LCMT1: variants seen among roughly 807,000 people sequenced by gnomAD.
LCMT1 encodes [Phosphatase 2A protein]-leucine-carboxy methyltransferase 1.
LCMT1 carries 32 observed loss-of-function variants against 47.7 expected under a neutral mutation model. The ratio of observed to expected loss-of-function variants is 0.67; its 90% CI spans 0.51 to 0.90. The LOEUF (loss-of-function observed/expected upper bound fraction) is 0.90, where lower values mean the gene tolerates loss of function less well. Among genes scored for constraint, LCMT1 ranks in the 40% least tolerant of loss-of-function variants. LCMT1 has a pLI of 0.00. For synonymous variants in LCMT1, 152 were observed against 149.7 expected (o/e 1.02, Z -0.11); for missense variants, 375 against 415.2 (o/e 0.90, Z 0.84).
chr16:25,124,752 C>T (rs373428119), intron 1 of LCMT1, among the ~76,000 whole-genome samples: 112 of 152,338 alleles, frequency 7.4e-4, no homozygotes, highest in African/African-American at 2.5e-3. Context: ...AGGTCTCAGT[C>T]AGTAAATGCT....
intron 4 of LCMT1, chr16:25,143,153 C>A (rs971795073): frequency 6.6e-6 from 1 of 152,052 alleles, no homozygotes; most frequent in Admixed American, 6.6e-5. Context: ...TGTCCTAAAT[C>A]GATACTGTAA....
At chr16:25,153,817 G>A (rs1267680083) in intron 5 of LCMT1, among the ~76,000 whole-genome samples, 1 of 151,926 alleles carries the variant, frequency 6.6e-6, no homozygotes, top group Admixed American at 6.6e-5. Flanking sequence ...GCTGGGTGTG[G>A]TGGCTGGCGC....
chr16:25,126,083 A>G (rs766605016), intron 1 of LCMT1: 10 of 1,351,710 alleles, frequency 7.4e-6, no homozygotes, highest in Middle Eastern at 4.2e-4. Flanking sequence ...CCTAGGGCGC[A>G]TGGAAACCTG....
chr16:25,153,589 CA>C (rs61465038), intron 5 of LCMT1, among the ~76,000 whole-genome samples: 151,429 of 152,326 alleles, frequency 0.99, 75,276 homozygotes, highest in Middle Eastern at 1. Context: ...ATTTCCAACA[CA>C]ACGAACTTCG....
intron 3 of LCMT1, among the ~76,000 whole-genome samples, chr16:25,133,684 A>C (rs952537311): frequency 6.8e-6 from 1 of 146,076 alleles, no homozygotes; most frequent in African/African-American, 2.5e-5. Flanking sequence ...GGCGTGAGCC[A>C]CCGTGCCTGG....
Position 25,169,182 on chromosome 16 carries a change from G to T in LCMT1, c.761G>T (p.Gly254Val). 4.3e-6 allele frequency: 7 copies of T among 1,613,140 alleles called. No homozygotes were observed. Among genetic ancestry groups the T allele is most frequent in the Non-Finnish European group, 5.9e-6 (7 of 1,179,298 alleles). ...CGGAGACGCCAGTGTGACCTGGCGGGAGTGGAGACCTGCAAGTCATTAGAG... is the reference window on the plus strand; with the variant it reads ...CGGAGACGCCAGTGTGACCTGGCGGTAGTGGAGACCTGCAAGTCATTAGAG... ...NLRRRQCDLA[G>V]VETCKSLESQ... Residue 254 changes from glycine (G) to valine (V), a missense_variant, in exon 8 of 11, where the codon GGA becomes GTA. Physicochemically the swap from Gly to Val is moderately radical, Grantham distance 109. Transcript: ENST00000399069.
chr16:25,150,402 T>C (rs1256795040), intron 4 of LCMT1, among the ~76,000 whole-genome samples: 1 of 138,654 alleles, frequency 7.2e-6, no homozygotes, highest in Non-Finnish European at 1.5e-5. Context: ...TGGAGTGCAA[T>C]GGCACGATCT....
chr16:25,124,576 C>A (rs948673676), intron 1 of LCMT1, among the ~76,000 whole-genome samples: 4 of 152,176 alleles, frequency 2.6e-5, no homozygotes, highest in Non-Finnish European at 5.9e-5. Flanking sequence ...CACTTGGTGA[C>A]TTGATTAAAG....
chr16:25,133,664 T>C (rs1012764275), intron 3 of LCMT1, among the ~76,000 whole-genome samples: 1 of 148,898 alleles, frequency 6.7e-6, no homozygotes, highest in African/African-American at 2.5e-5. Context: ...CCCAAAGTGC[T>C]GGGATTACAG....
intron 3 of LCMT1, among the ~76,000 whole-genome samples, chr16:25,134,216 A>T (rs1042749845): frequency 6.6e-6 from 1 of 152,172 alleles, no homozygotes; most frequent in Non-Finnish European, 1.5e-5. Context: ...AGTTCACCTG[A>T]TATGAAGGTC....
At chr16:25,170,227 A>T (rs182423538) in intron 8 of LCMT1, among the ~76,000 whole-genome samples, 2 of 151,334 alleles carry the variant, frequency 1.3e-5, no homozygotes, top group African/African-American at 4.9e-5. Flanking sequence ...CTCAAAAAAA[A>T]ATTAAATAAA....
chr16:25,141,134 A>T (rs1960677948), intron 4 of LCMT1: 1 of 152,204 alleles, frequency 6.6e-6, no homozygotes, highest in Admixed American at 6.5e-5. Context: ...CATTAGCTTG[A>T]CTTGGAGCTA....
At chr16:25,145,845 T>G (rs1035328453) in intron 4 of LCMT1, 1 of 152,290 alleles carries the variant, frequency 6.6e-6, no homozygotes, top group Non-Finnish European at 1.5e-5. Flanking sequence ...TATTAGCCTG[T>G]CCTAGGACTG....
At chr16:25,176,538 GTTTTTTTTTGGCTTTTTTTTTTTT>G (rs1430656871) in intron 10 of LCMT1, among the ~76,000 whole-genome samples, 6 of 53,376 alleles carry the variant, frequency 1.1e-4, no homozygotes, top group Non-Finnish European at 2.5e-4. Context: ...TTTGGTTTTT[GTTTTTTTTTGGCTTTTTTTTTTTT>G]TTTTTTTTTT....
At chr16:25,138,032 A>G (rs1482855493) in intron 3 of LCMT1, among the ~76,000 whole-genome samples, 1 of 152,198 alleles carries the variant, frequency 6.6e-6, no homozygotes, top group Admixed American at 6.5e-5. Context: ...CAGTTGCTCC[A>G]GTCAGAAACA....
intron 1 of LCMT1, among the ~76,000 whole-genome samples, chr16:25,124,606 C>T (rs1960102875): frequency 6.6e-6 from 1 of 152,228 alleles, no homozygotes; most frequent in Admixed American, 6.5e-5. Context: ...AGGCACCAGG[C>T]TTGATCCTTA....
rs565270815 is a variant in LCMT1 at position 25,160,811 on chromosome 16, C to T, written c.467-291C>T. ...ATATTGGGTGGTCCCATTTTCTTTT[C>T]TCTATTCAGGATGTGTGTATGTGTG... On this transcript the variant is annotated intron_variant, in intron 5 of 10. Transcript: ENST00000399069. 5.2e-6 allele frequency: 3 copies of T among 578,046 alleles called. No individual in the cohort carries two copies. The African/African-American group carries it at 5.5e-5, about 11-fold the overall frequency. The allele number at this position is 578,046 out of a possible 1,614,324, so 35.8% of individuals were successfully genotyped here.
chr16:25,144,066 T>G (rs187755831), intron 4 of LCMT1: 1 of 152,264 alleles, frequency 6.6e-6, no homozygotes, highest in African/African-American at 2.4e-5. Context: ...CCTTGGCTGA[T>G]GAGGGACCAG....
chr16:25,152,799 C>T (rs182205166), intron 5 of LCMT1, among the ~76,000 whole-genome samples: 1 of 152,228 alleles, frequency 6.6e-6, no homozygotes, highest in Admixed American at 6.5e-5. Flanking sequence ...ACCTGTTTGG[C>T]CCTGGCAGTC....
Sources: gnomAD v4.1 joint callset for allele counts (sites outside exome capture counted in the v4.1 genomes callset) on GRCh38, gnomAD v4.1.1 for gene constraint, MANE v1.5 for transcripts, NCBI Gene and HGNC (gene_info 2026-07-23, HGNC 2026-07-21) for gene names.